SLCO1C1: variants seen among roughly 807,000 people sequenced by gnomAD.
The protein encoded by SLCO1C1 is OAT-RP-5.
Under a neutral mutation model 76.4 loss-of-function variants are expected in SLCO1C1, and 70 were observed. The ratio of observed to expected loss-of-function variants is 0.92; its 90% CI spans 0.76 to 1.12. SLCO1C1 has a LOEUF of 1.12. Among genes scored for constraint, SLCO1C1 ranks in the 50% most tolerant of loss-of-function variants. The pLI is 0.00. For synonymous variants in SLCO1C1, 306 were observed against 286.1 expected, an observed-to-expected ratio of 1.07 and a Z score of -0.70; for missense variants, 912 against 823.8, an observed-to-expected ratio of 1.11 and a Z score of -1.31.
chr12:20,696,096 A>T (rs937537238), intron 1 of SLCO1C1, among the ~76,000 whole-genome samples: 1 of 152,142 alleles, frequency 6.6e-6, no homozygotes, highest in African/African-American at 2.4e-5. Context: ...TTCTAATATT[A>T]CGTTTGTTGG....
intron 5 of SLCO1C1, among the ~76,000 whole-genome samples, chr12:20,713,750 C>T (rs562471108): frequency 1.3e-5 from 2 of 152,268 alleles, no homozygotes; most frequent in East Asian, 3.9e-4. Flanking sequence ...ATACAGTAGC[C>T]CCTAGCTGCA....
At chr12:20,714,262 A>G (rs11045403) in intron 5 of SLCO1C1, among the ~76,000 whole-genome samples, 5,280 of 152,326 alleles carry the variant, frequency 0.035, 153 homozygotes, top group South Asian at 0.086. Flanking sequence ...GGAAGATTCA[A>G]TTTAAAAATG....
intron 6 of SLCO1C1, 97 bp from the exon 7 acceptor site, chr12:20,717,032 GCTA>G (rs1297558916): frequency 8.0e-6 from 8 of 1,000,686 alleles, no homozygotes; most frequent in Non-Finnish European, 1.2e-5. Context: ...AACATTTTGA[GCTA>G]CTGACTGGAT....
Position 20,715,149 on chromosome 12 carries a change from G to A in SLCO1C1, c.540G>A (p.Val180=). The part of the protein sequence containing the change: ...SKSKISNECE[V]DTSSSMWIYV... ...TGCCTTTCTTTCAAGAATGTGAAGT[G>A]GACACTAGCTCTTCCATGTGGATTT... Residue 180 remains valine (V), a synonymous_variant, in exon 6 of 15, where the codon GTG becomes GTA. Coordinates refer to ENST00000266509, the MANE Select transcript of SLCO1C1 (RefSeq NM_017435.5). 2 of 1,613,910 alleles carry A rather than the reference G, an allele frequency of 1.2e-6. No individual in the cohort carries two copies. The highest frequency in any genetic ancestry group is 1.1e-5 in the South Asian group (1 of 91,046).
intron 13 of SLCO1C1, among the ~76,000 whole-genome samples, chr12:20,748,532 C>A (rs1021999005): frequency 3.2e-4 from 48 of 149,532 alleles, no homozygotes; most frequent in Admixed American, 3.3e-4. Context: ...ATATGCTACT[C>A]TATCTAATAT....
chr12:20,735,397 C>A (rs1948492160), intron 10 of SLCO1C1, among the ~76,000 whole-genome samples: 1 of 152,186 alleles, frequency 6.6e-6, no homozygotes, highest in African/African-American at 2.4e-5. Context: ...TAGGGGCTGA[C>A]TTCCTTGATC....
At chr12:20,739,938 C>G (rs1028700054) in intron 11 of SLCO1C1, among the ~76,000 whole-genome samples, 1 of 152,084 alleles carries the variant, frequency 6.6e-6, no homozygotes, top group Admixed American at 6.6e-5. Flanking sequence ...TTAGATTAGG[C>G]AGGATTTGCT....
chr12:20,708,716 A>G (rs1005328755), intron 4 of SLCO1C1, among the ~76,000 whole-genome samples: 2 of 152,186 alleles, frequency 1.3e-5, no homozygotes, highest in African/African-American at 4.8e-5. Context: ...CTAAAATGCA[A>G]TGACCACGGA....
At chr12:20,723,050 A>G in intron 8 of SLCO1C1, 40 bp from the exon 9 acceptor site, 1 of 1,567,174 alleles carries the variant, frequency 6.4e-7, no homozygotes, top group Non-Finnish European at 8.7e-7. Context: ...TCCATGCGTG[A>G]CACCAACTTT....
In SLCO1C1 at chr12:20,750,726, T is replaced by C. The variant is rs1450408967; in HGVS notation, c.1850T>C (p.Leu617Pro). 6.2e-7 allele frequency: 1 copy of C among 1,613,944 alleles called. No individual in the cohort carries two copies. Among genetic ancestry groups the C allele is most frequent in the African/African-American group, 1.3e-5 (1 of 74,932 alleles). ...YFGVLIDTSC[L>P]KWGFKRCGSR... Reference sequence around the variant, plus strand: ...GGAGTTTTGATTGATACTTCATGCCTCAAATGGGGATTTAAAAGATGTGGA... The same window carrying C: ...GGAGTTTTGATTGATACTTCATGCCCCAAATGGGGATTTAAAAGATGTGGA... Residue 617 changes from leucine to proline, a missense_variant, in exon 14 of 15, where the codon CTC (leucine) becomes CCC (proline). Coordinates refer to ENST00000266509, the MANE Select transcript of SLCO1C1 (RefSeq NM_017435.5).
chr12:20,740,794 T>TATATATAG (rs1948776542), intron 12 of SLCO1C1, among the ~76,000 whole-genome samples: 4 of 118,382 alleles, frequency 3.4e-5, no homozygotes, highest in Admixed American at 3.4e-4. Flanking sequence ...TATTTATATA[T>TATATATAG]ATATATATAT....
At chr12:20,737,486 G>A (rs749578550) in intron 11 of SLCO1C1, among the ~76,000 whole-genome samples, 11 of 152,130 alleles carry the variant, frequency 7.2e-5, no homozygotes, top group Non-Finnish European at 1.6e-4. Context: ...ATCAAATAGG[G>A]TGGAAGAGAT....
intron 7 of SLCO1C1, among the ~76,000 whole-genome samples, chr12:20,720,772 C>T (rs1271216448): frequency 6.6e-6 from 1 of 152,000 alleles, no homozygotes; most frequent in Non-Finnish European, 1.5e-5. Flanking sequence ...CCAAGGCGGG[C>T]AGATCACCTG....
At chr12:20,734,788 C>T (rs562755003) in intron 10 of SLCO1C1, among the ~76,000 whole-genome samples, 1 of 152,086 alleles carries the variant, frequency 6.6e-6, no homozygotes, top group Non-Finnish European at 1.5e-5. Flanking sequence ...GAGTACTAGC[C>T]TCTTCAAAGG....
intron 9 of SLCO1C1, among the ~76,000 whole-genome samples, chr12:20,728,074 CAT>C (rs1215970124): frequency 6.6e-6 from 1 of 152,124 alleles, no homozygotes; most frequent in Non-Finnish European, 1.5e-5. Flanking sequence ...AGGACAAAGA[CAT>C]AAATTCTTTG....
intron 3 of SLCO1C1, among the ~76,000 whole-genome samples, chr12:20,703,357 G>T (rs778530396): frequency 6.6e-6 from 1 of 151,776 alleles, no homozygotes; most frequent in Non-Finnish European, 1.5e-5. Flanking sequence ...TGGACAAATT[G>T]TCTAAAACAA....
chr12:20,733,929 TTCTTCA>T (rs1269107048), intron 10 of SLCO1C1, among the ~76,000 whole-genome samples: 2 of 152,114 alleles, frequency 1.3e-5, no homozygotes, highest in Non-Finnish European at 2.9e-5. Flanking sequence ...AGAGGTAACT[TTCTTCA>T]TCATTTCACC....
At chr12:20,709,070 C>T (rs1232235629) in intron 4 of SLCO1C1, among the ~76,000 whole-genome samples, 1 of 152,128 alleles carries the variant, frequency 6.6e-6, no homozygotes, top group Non-Finnish European at 1.5e-5. Context: ...AGCTTGGAAG[C>T]AGGGAGACTA....
intron 3 of SLCO1C1, among the ~76,000 whole-genome samples, 177 bp from the exon 4 acceptor site, chr12:20,705,772 G>A (rs1028696785): frequency 6.6e-6 from 1 of 152,004 alleles, no homozygotes; most frequent in African/African-American, 2.4e-5. Flanking sequence ...GGTGATTGAA[G>A]TAATGAACAT....
Sources: gnomAD v4.1 joint callset for allele counts (sites outside exome capture counted in the v4.1 genomes callset) on GRCh38, gnomAD v4.1.1 for gene constraint, MANE v1.5 for transcripts, NCBI Gene and HGNC (gene_info 2026-07-23, HGNC 2026-07-21) for gene names.